Variants in NYAP2 observed in about 807,000 individuals in gnomAD.
NYAP2 encodes the protein neuronal tyrosine-phosphorylated phosphoinositide-3-kinase adaptor 2, also known as neuronal tyrosine-phosphorylated phosphoinositide-3-kinase adapter 2.
Under a neutral mutation model 50.4 loss-of-function variants are expected in NYAP2, and 23 were observed. The ratio of observed to expected loss-of-function variants is 0.46; its 90% CI spans 0.33 to 0.65. The LOEUF is 0.65. Among genes scored for constraint, NYAP2 ranks in the 30% least tolerant of loss-of-function variants. The probability of loss-of-function intolerance (pLI) is 0.02; values close to 1 mark genes in which losing one functional copy is unlikely to be tolerated. For missense variants in NYAP2, 885 were observed against 861.0 expected (o/e 1.03, Z -0.35); for synonymous variants, 394 against 365.2 (o/e 1.08, Z -0.90).
chr2:225,417,252 G>A (rs182502913), intron 3 of NYAP2, among the ~76,000 whole-genome samples: 1 of 152,224 alleles, frequency 6.6e-6, no homozygotes, highest in East Asian at 1.9e-4. Flanking sequence ...TAGAGCCTGA[G>A]CATGCTAATA....
At chr2:225,549,210 T>C (rs1691632878) in intron 4 of NYAP2, among the ~76,000 whole-genome samples, 1 of 152,226 alleles carries the variant, frequency 6.6e-6, no homozygotes, top group Non-Finnish European at 1.5e-5. Flanking sequence ...TAGTTTTCTC[T>C]ACTTCCAAGA....
chr2:225,405,885 A>C (rs983819062), intron 2 of NYAP2, among the ~76,000 whole-genome samples: 1 of 151,956 alleles, frequency 6.6e-6, no homozygotes, highest in Non-Finnish European at 1.5e-5. Context: ...TTACACATGC[A>C]ATTTTAAGGA....
exon 7 of NYAP2, chr2:225,653,366 GT>G (rs1231347676): frequency 6.6e-6 from 1 of 152,154 alleles, no homozygotes; most frequent in Admixed American, 6.5e-5. Flanking sequence ...ATGAAAGCAG[GT>G]TCTTGGGATA....
chr2:225,440,667 C>T (rs904217226), intron 3 of NYAP2, among the ~76,000 whole-genome samples: 4 of 152,090 alleles, frequency 2.6e-5, no homozygotes, highest in Admixed American at 2.6e-4. Context: ...ATATAAAGCA[C>T]AGACTTGAGG....
chr2:225,564,773 A>C (rs1248451031), intron 4 of NYAP2, among the ~76,000 whole-genome samples: 1 of 152,074 alleles, frequency 6.6e-6, no homozygotes, highest in African/African-American at 2.4e-5. Flanking sequence ...TTAACAATCT[A>C]GTCACACTTT....
intron 4 of NYAP2, among the ~76,000 whole-genome samples, chr2:225,551,757 A>T (rs1043717880): frequency 6.6e-6 from 1 of 152,218 alleles, no homozygotes; most frequent in African/African-American, 2.4e-5. Context: ...TTTATTTGAA[A>T]GGTTGAGGCA....
intron 5 of NYAP2, among the ~76,000 whole-genome samples, chr2:225,598,418 T>C (rs1453863490): frequency 6.6e-6 from 1 of 152,218 alleles, no homozygotes; most frequent in Non-Finnish European, 1.5e-5. Flanking sequence ...ATAGTTGAAG[T>C]ACTTAATATC....
chr2:225,564,537 A>G (rs758516506), intron 4 of NYAP2, among the ~76,000 whole-genome samples: 1 of 152,016 alleles, frequency 6.6e-6, no homozygotes, highest in Non-Finnish European at 1.5e-5. Flanking sequence ...AAGACCAACT[A>G]AAGAGTATTG....
chr2:225,480,728 C>A (rs1373754238), intron 3 of NYAP2, among the ~76,000 whole-genome samples: 1 of 152,032 alleles, frequency 6.6e-6, no homozygotes, highest in Non-Finnish European at 1.5e-5. Context: ...CATATAGGAG[C>A]TGTGTTTGAG....
At chr2:225,682,169 C>T in the NYAP2 span, among the ~76,000 whole-genome samples, 1 of 152,076 alleles carries the variant, frequency 6.6e-6, no homozygotes, top group African/African-American at 2.4e-5. Context: ...GAAAGTTCAT[C>T]ATATACTGGT....
chr2:225,513,268 T>C, intron 3 of NYAP2, 103 bp from the exon 4 acceptor site: 3 of 1,023,340 alleles, frequency 2.9e-6, no homozygotes, highest in Admixed American at 5.1e-5. Context: ...CGGACTAAAA[T>C]GAAGATTTGA....
At chr2:225,412,773 C>T (rs1479143855) in intron 3 of NYAP2, among the ~76,000 whole-genome samples, 2 of 152,064 alleles carry the variant, frequency 1.3e-5, no homozygotes, top group Admixed American at 6.6e-5. Flanking sequence ...AAGTTCTAGT[C>T]GGAAAATAGC....
chr2:225,554,634 A>T (rs1691744358), intron 4 of NYAP2, among the ~76,000 whole-genome samples: 1 of 151,992 alleles, frequency 6.6e-6, no homozygotes, highest in Non-Finnish European at 1.5e-5. Flanking sequence ...CATTTATCTT[A>T]TATAGAGAAT....
chr2:225,581,985 A>T, exon 5 of NYAP2: 2 of 1,612,534 alleles, frequency 1.2e-6, no homozygotes, highest in Non-Finnish European at 8.5e-7. Flanking sequence ...TTCCAAGAAG[A>T]TTCCTCCTCC....
At chr2:225,484,181 T>A (rs1291018205) in intron 3 of NYAP2, among the ~76,000 whole-genome samples, 1 of 152,230 alleles carries the variant, frequency 6.6e-6, no homozygotes, top group African/African-American at 2.4e-5. Flanking sequence ...TTTTCTAAAA[T>A]GCCAACAGCA....
chr2:225,571,027 G>A (rs886664228), intron 4 of NYAP2, among the ~76,000 whole-genome samples: 1 of 152,210 alleles, frequency 6.6e-6, no homozygotes, highest in African/African-American at 2.4e-5. Flanking sequence ...ATCCAATAGG[G>A]TAGTCATTAA....
Position 225,530,463 on chromosome 2 carries a change from C to T in NYAP2, c.523+16791C>T, listed in dbSNP as rs12052289. 3.0e-3 allele frequency among the ~76,000 whole-genome samples: 462 copies of T among 152,282 alleles called. 17 individuals are homozygous for T. The East Asian group carries it at 0.077, about 25-fold the overall frequency. On this transcript the variant is annotated intron_variant, in intron 4 of 6. Coordinates refer to ENST00000636099, the Ensembl canonical transcript of NYAP2. ...ATCCCTATCCTTTGGTATGTCTCTT[C>T]AGCATTTTAGACTATGAACCTCCAT...
At chr2:225,626,710 G>C (rs1203781884) in intron 5 of NYAP2, among the ~76,000 whole-genome samples, 3 of 152,102 alleles carry the variant, frequency 2.0e-5, no homozygotes, top group African/African-American at 7.2e-5. Context: ...AAAGAAAATT[G>C]TATTTCCCAG....
intron 3 of NYAP2, among the ~76,000 whole-genome samples, chr2:225,480,311 A>G (rs990616038): frequency 1.3e-5 from 2 of 152,124 alleles, no homozygotes; most frequent in African/African-American, 2.4e-5. Context: ...TTATATATGT[A>G]TACTAGGGGA....
Sources: allele counts gnomAD v4.1 joint callset (sites outside exome capture counted in the v4.1 genomes callset), GRCh38; gene constraint gnomAD v4.1.1; transcripts MANE v1.5; gene names NCBI Gene and HGNC (gene_info 2026-07-23, HGNC 2026-07-21).